The following DMD variants were observed in gnomAD, a reference collection of about 807,000 sequenced individuals.
DMD encodes mutant dystrophin.
In DMD, 63 loss-of-function variants were observed where a neutral mutation model predicts 330.1. The observed-to-expected ratio is 0.19, with a 90% CI of 0.16 to 0.24. The LOEUF (loss-of-function observed/expected upper bound fraction) is 0.24. Ranked by LOEUF, DMD falls within the 10% of genes least tolerant of loss-of-function variation. The pLI is 1.00. For synonymous variants in DMD, 1,223 were observed against 959.8 expected, an observed-to-expected ratio of 1.27 and a Z score of -5.07; for missense variants, 3,344 against 2,684.1, an observed-to-expected ratio of 1.25 and a Z score of -5.43.
At chrX:31,787,777 G>A (rs1387870016) in intron 50 of DMD, among the ~76,000 whole-genome samples, 1 of 112,122 alleles carries the variant, frequency 8.9e-6, no homozygotes, top group African/African-American at 3.2e-5. Context: ...AACTGAAATA[G>A]TGGAACTAGC....
chrX:31,243,330 A>C (rs909535115), intron 63 of DMD, among the ~76,000 whole-genome samples: 2 of 111,967 alleles, frequency 1.8e-5, no homozygotes, highest in Admixed American at 9.5e-5. Flanking sequence ...ATAAAATTTA[A>C]TTTAATGGGT....
At chrX:32,464,228 A>G (rs2098393466) in intron 24 of DMD, among the ~76,000 whole-genome samples, 1 of 111,812 alleles carries the variant, frequency 8.9e-6, no homozygotes, top group African/African-American at 3.3e-5. Context: ...ATAGTAAAAT[A>G]ATGTTATCAA....
intron 44 of DMD, among the ~76,000 whole-genome samples, chrX:32,008,561 G>A (rs2095681035): frequency 8.9e-6 from 1 of 111,780 alleles, no homozygotes; most frequent in African/African-American, 3.2e-5. Flanking sequence ...AAGACCTAAC[G>A]GTGTGGTTGT....
intron 44 of DMD, among the ~76,000 whole-genome samples, chrX:32,017,988 A>G (rs2095777848): frequency 9.0e-6 from 1 of 110,899 alleles, no homozygotes; most frequent in African/African-American, 3.3e-5. Flanking sequence ...CATCCATTTG[A>G]CAATTTATCG....
intron 7 of DMD, among the ~76,000 whole-genome samples, chrX:32,700,089 C>T (rs191157119): frequency 3.6e-5 from 4 of 111,607 alleles, no homozygotes; most frequent in Non-Finnish European, 7.6e-5. Context: ...TCATTTGCTA[C>T]TTGGCATTAA....
At chrX:32,076,120 CTAACAGTATGCAA>C (rs1319883624) in intron 44 of DMD, among the ~76,000 whole-genome samples, 1 of 77,157 alleles carries the variant, frequency 1.3e-5, no homozygotes, top group Non-Finnish European at 2.4e-5. Context: ...TTATTTAGAA[CTAACAGTATGCAA>C]GGCACTGTGC....
chrX:33,189,293 T>C (rs1391222512), intron 1 of DMD, among the ~76,000 whole-genome samples: 2 of 111,486 alleles, frequency 1.8e-5, no homozygotes, highest in Non-Finnish European at 3.8e-5. Flanking sequence ...TGCTCATCTC[T>C]AGGTATGGGG....
At chrX:32,096,988 T>C (rs2096511695) in intron 44 of DMD, among the ~76,000 whole-genome samples, 2 of 111,958 alleles carry the variant, frequency 1.8e-5, no homozygotes, top group African/African-American at 6.5e-5. Flanking sequence ...CAAAGAAAAT[T>C]CTTAAAGATT....
intron 34 of DMD, among the ~76,000 whole-genome samples, chrX:32,378,898 G>A (rs2097914289): frequency 9.1e-6 from 1 of 110,110 alleles, no homozygotes; most frequent in African/African-American, 3.3e-5. Flanking sequence ...ATAGTCACGG[G>A]GTTTCATATA....
chrX:32,175,378 A>C (rs2096902623), intron 44 of DMD, among the ~76,000 whole-genome samples: 1 of 110,932 alleles, frequency 9.0e-6, no homozygotes, highest in African/African-American at 3.3e-5. Context: ...GGGCACTCTG[A>C]TAGGACAGAA....
At chrX:31,186,719 G>C (rs1236742001) in intron 67 of DMD, among the ~76,000 whole-genome samples, 1 of 111,495 alleles carries the variant, frequency 9.0e-6, no homozygotes, top group Non-Finnish European at 1.9e-5. Context: ...GGTACTTTGT[G>C]GAAAAAAAAG....
chrX:31,592,509 CT>C lies in DMD; in HGVS notation c.8217+35163del, dbSNP rs775679168. Among the ~76,000 whole-genome samples the C allele has an allele frequency of 1.5e-3, 155 of 103,741 alleles. 3 individuals carry two copies. Among genetic ancestry groups the C allele is most frequent in the African/African-American group, 5.2e-3 (149 of 28,467 alleles). 90.1% of individuals were successfully genotyped at this position (103,741 alleles called of 115,157 possible). A position where few individuals can be genotyped will look rare whatever the true frequency, so the allele number is the denominator to read the frequency against. On this transcript the variant is annotated intron_variant, in intron 55 of 78. Coordinates refer to ENST00000357033, the MANE Select transcript of DMD (RefSeq NM_004006.3). The stretch of plus-strand genomic sequence containing the variant: ...AGACAATTTATAAGTAAAAATTGAC[CT>C]TGAAAAGTGTCTCACACACACACAC...
intron 62 of DMD, among the ~76,000 whole-genome samples, chrX:31,268,270 C>T (rs1475893075): frequency 8.9e-6 from 1 of 112,359 alleles, no homozygotes; most frequent in Non-Finnish European, 1.9e-5. Flanking sequence ...TTTGCTTTAT[C>T]TAATGCTATA....
At chrX:32,455,362 C>T (rs982462132) in intron 25 of DMD, among the ~76,000 whole-genome samples, 1 of 111,135 alleles carries the variant, frequency 9.0e-6, no homozygotes, top group Non-Finnish European at 1.9e-5. Context: ...AAAAGATGTT[C>T]TAATACCATT....
intron 45 of DMD, among the ~76,000 whole-genome samples, chrX:31,962,740 TTCA>T (rs1231782265): frequency 3.3e-4 from 37 of 111,887 alleles, no homozygotes; most frequent in African/African-American, 1.2e-3. Context: ...GCATTCAGGA[TTCA>T]GCCTGTGGGT....
intron 16 of DMD, among the ~76,000 whole-genome samples, chrX:32,564,180 G>A (rs1257306832): frequency 8.9e-6 from 1 of 111,785 alleles, no homozygotes; most frequent in Non-Finnish European, 1.9e-5. Context: ...AGCTCCTCAG[G>A]TGGCTACTAT....
chrX:31,310,519 G>A (rs1256540037), intron 62 of DMD, among the ~76,000 whole-genome samples: 1 of 106,007 alleles, frequency 9.4e-6, no homozygotes, highest in African/African-American at 3.4e-5. Flanking sequence ...TACATTTTTC[G>A]GATAGAGATT....
chrX:32,226,174 G>T (rs1288426770), intron 43 of DMD, among the ~76,000 whole-genome samples: 1 of 111,441 alleles, frequency 9.0e-6, no homozygotes, highest in East Asian at 2.8e-4. Context: ...CGGTTTCTCA[G>T]CGCTCTCTAA....
Position 31,694,892 on chromosome X carries a change from C to A in DMD, c.7661-15306G>T, listed in dbSNP as rs777931412. Among the ~76,000 whole-genome samples the A allele has an allele frequency of 6.4e-5, 7 of 108,655 alleles. No individual in the cohort carries two copies. In the South Asian group the frequency reaches 2.8e-3, roughly 43 times the overall value. The allele number at this position is 108,655 out of a possible 115,157, so 94.4% of individuals were successfully genotyped here. The stretch of plus-strand genomic sequence containing the variant: ...CTCAAAATAATAAAAAGAGAATGAC[C>A]ATATGTTCCAGAAATCCCACTTCTG... On this transcript the variant is annotated intron_variant, in intron 52 of 78. Transcript: ENST00000357033.
Sources: allele counts gnomAD v4.1 joint callset (sites outside exome capture counted in the v4.1 genomes callset), GRCh38; gene constraint gnomAD v4.1.1; transcripts MANE v1.5; gene names NCBI Gene and HGNC (gene_info 2026-07-23, HGNC 2026-07-21).